Variants in PAQR5 observed in about 807,000 individuals in gnomAD.
PAQR5 encodes membrane progestin receptor gamma.
A neutral mutation model predicts 34.5 loss-of-function variants in PAQR5; 20 were observed. The ratio of observed to expected loss-of-function variants is 0.58; its 90% confidence interval spans 0.41 to 0.84. The LOEUF (loss-of-function observed/expected upper bound fraction) is 0.84. Among genes scored for constraint, PAQR5 ranks in the 40% least tolerant of loss-of-function variants. PAQR5 has a pLI of 0.00. For missense variants in PAQR5, 378 were observed against 412.7 expected (o/e 0.92, Z 0.73); for synonymous variants, 131 against 155.6 (o/e 0.84, Z 1.18).
chr15:69,310,020 C>A (rs910232463), intron 1 of PAQR5, among the ~76,000 whole-genome samples: 2 of 151,532 alleles, frequency 1.3e-5, no homozygotes, highest in Admixed American at 1.3e-4. Flanking sequence ...TGCACTCCAG[C>A]CTGGGTGACA....
At chr15:69,326,977 A>T (rs900500820) in intron 1 of PAQR5, among the ~76,000 whole-genome samples, 2 of 150,800 alleles carry the variant, frequency 1.3e-5, no homozygotes, top group Non-Finnish European at 1.5e-5. Flanking sequence ...TGTTTCCACC[A>T]TTACAGTATC....
At chr15:69,349,386 C>T (rs187308418) in intron 2 of PAQR5, among the ~76,000 whole-genome samples, 50 of 152,282 alleles carry the variant, frequency 3.3e-4, no homozygotes, top group African/African-American at 1.2e-3. Flanking sequence ...GCTGTACTAC[C>T]CTCCACAAGA....
At chr15:69,339,411 C>A (rs2054588285) in intron 2 of PAQR5, among the ~76,000 whole-genome samples, 1 of 152,130 alleles carries the variant, frequency 6.6e-6, no homozygotes, top group Non-Finnish European at 1.5e-5. Context: ...GTCTGGGTAC[C>A]TGGCGGCCTT....
chr15:69,351,001 C>G (rs550434596), intron 2 of PAQR5, among the ~76,000 whole-genome samples: 1 of 152,144 alleles, frequency 6.6e-6, no homozygotes, highest in Non-Finnish European at 1.5e-5. Context: ...TAGTCAGAGG[C>G]GAGGCTCATA....
chr15:69,378,146 C>T (rs1271894859), intron 3 of PAQR5, among the ~76,000 whole-genome samples: 2 of 151,264 alleles, frequency 1.3e-5, no homozygotes, highest in Non-Finnish European at 2.9e-5. Flanking sequence ...CGCTTGTAAT[C>T]CCCGCTACCC....
At chr15:69,318,630 G>A (rs1057095071) in intron 1 of PAQR5, among the ~76,000 whole-genome samples, 5 of 151,816 alleles carry the variant, frequency 3.3e-5, no homozygotes, top group Admixed American at 2.6e-4. Flanking sequence ...TTTTCACCTT[G>A]TCCTGCTAGT....
rs1023978181 is a variant in PAQR5, at chr15:69,376,352, A to T, written c.52-3531A>T. On this transcript the variant is annotated intron_variant, in intron 3 of 8. Transcript: ENST00000395407. ...AAATATTAGTTTGTCCTTTCAATGT[A>T]TGTACCATGCGTTTTATGAAGGTCT... Among the ~76,000 whole-genome samples, 3 of 152,230 alleles carry T rather than the reference A, an allele frequency of 2.0e-5. No homozygotes were observed. The East Asian group carries it at 5.8e-4, about 29-fold the overall frequency.
Position 69,313,655 on chromosome 15 carries a change from G to T in PAQR5, c.-277+14599G>T, listed in dbSNP as rs1411444743. On this transcript the variant is annotated intron_variant, in intron 1 of 8. Transcript: ENST00000395407. ...GAAAGGGGAAGGAAGAGAAAAGGAA[G>T]TCCACCAGGGAGGCCCCATTTCCGG... Among the ~76,000 whole-genome samples, 11 of 152,042 alleles carry T rather than the reference G, an allele frequency of 7.2e-5. 1 individual carries two copies. Among genetic ancestry groups the T allele is most frequent in the Admixed American group, 7.2e-4 (11 of 15,268 alleles).
intron 4 of PAQR5, among the ~76,000 whole-genome samples, chr15:69,382,688 ATATATATATATATATATG>A (rs2055926911): frequency 5.6e-5 from 5 of 89,304 alleles, no homozygotes; most frequent in Admixed American, 1.2e-4. Flanking sequence ...ATATATATAT[ATATATATATATATATATG>A]TATGTATGTA....
Position 69,389,857 on chromosome 15 carries a change from G to A in PAQR5, c.512+77G>A, listed in dbSNP as rs548763624. ...GCTCCCTGCACTCTTTGAGGGAGCCGGGGAAGAGGTGGGCTCAATGGAAAA... is the reference window on the plus strand; with the variant it reads ...GCTCCCTGCACTCTTTGAGGGAGCCAGGGAAGAGGTGGGCTCAATGGAAAA... On this transcript the variant is annotated intron_variant, in intron 6 of 8. Transcript: ENST00000395407. The A allele has an allele frequency of 1.3e-4, 202 of 1,531,852 alleles. 1 individual carries two copies. Among genetic ancestry groups the A allele is most frequent in the Admixed American group, 1.8e-4 (10 of 56,220 alleles). 94.9% of individuals were successfully genotyped at this position (1,531,852 alleles called of 1,614,324 possible).
chr15:69,326,775 G>A (rs1176556132), intron 1 of PAQR5, among the ~76,000 whole-genome samples: 1 of 152,086 alleles, frequency 6.6e-6, no homozygotes, highest in Non-Finnish European at 1.5e-5. Context: ...TAGAGCAGAT[G>A]TAGGTTTATA....
intron 6 of PAQR5, among the ~76,000 whole-genome samples, chr15:69,390,320 T>TTTTTTTTA (rs1555423049): frequency 5.2e-5 from 7 of 133,370 alleles, no homozygotes; most frequent in African/African-American, 1.6e-4. Flanking sequence ...CTGACCTGTT[T>TTTTTTTTA]TTTATTTATT....
At chr15:69,367,939 G>C (rs974536948) in intron 3 of PAQR5, among the ~76,000 whole-genome samples, 5 of 152,312 alleles carry the variant, frequency 3.3e-5, no homozygotes, top group African/African-American at 1.2e-4. Context: ...CCCTGGGGAG[G>C]AGTATAACTA....
intron 1 of PAQR5, among the ~76,000 whole-genome samples, chr15:69,311,409 T>TG (rs2053831889): frequency 6.6e-6 from 1 of 152,036 alleles, no homozygotes; most frequent in African/African-American, 2.4e-5. Context: ...GGGAAGTGAG[T>TG]GGATGGTGTT....
At chr15:69,300,080 G>C (rs1205263568) in intron 1 of PAQR5, among the ~76,000 whole-genome samples, 1 of 152,102 alleles carries the variant, frequency 6.6e-6, no homozygotes, top group African/African-American at 2.4e-5. Context: ...TTCCAGAGCT[G>C]CATGGTCGCT....
chr15:69,357,095 C>T (rs753329653), intron 2 of PAQR5, among the ~76,000 whole-genome samples: 1 of 152,024 alleles, frequency 6.6e-6, no homozygotes, highest in Non-Finnish European at 1.5e-5. Context: ...CTGCTTTCGC[C>T]GTACAACTTG....
At chr15:69,339,882 G>A (rs1847272) in intron 2 of PAQR5, among the ~76,000 whole-genome samples, 2 of 151,824 alleles carry the variant, frequency 1.3e-5, no homozygotes, top group African/African-American at 4.8e-5. Flanking sequence ...CCTTTTTTTT[G>A]GGGGACGGAG....
chr15:69,340,112 C>T (rs1040457581), intron 2 of PAQR5, among the ~76,000 whole-genome samples: 7 of 151,864 alleles, frequency 4.6e-5, no homozygotes, highest in Non-Finnish European at 8.8e-5. Flanking sequence ...GTGATCTGCC[C>T]GCCTTGGACT....
intron 3 of PAQR5, among the ~76,000 whole-genome samples, chr15:69,369,079 T>A (rs1306619978): frequency 6.6e-6 from 1 of 152,242 alleles, no homozygotes; most frequent in Non-Finnish European, 1.5e-5. Flanking sequence ...CCTGTTCTTT[T>A]CAAATTGGCT....
Sources: allele counts gnomAD v4.1 joint callset (sites outside exome capture counted in the v4.1 genomes callset), GRCh38; gene constraint gnomAD v4.1.1; transcripts MANE v1.5; gene names NCBI Gene and HGNC (gene_info 2026-07-23, HGNC 2026-07-21).